Variants in TAS2R1 observed in about 807,000 individuals in gnomAD.
TAS2R1 encodes taste 2 receptor member 1.
For synonymous variants in TAS2R1, 141 were observed against 134.2 expected (o/e 1.05, Z -0.35); for missense variants, 370 against 353.4 (o/e 1.05, Z -0.38).
chr5:9,723,326 G>A, the TAS2R1 span, among the ~76,000 whole-genome samples: 9 of 152,146 alleles, frequency 5.9e-5, no homozygotes, highest in South Asian at 8.3e-4. Flanking sequence ...GTCTTTTCCC[G>A]AGGGGAGAGT....
chr5:9,773,004 C>T, the TAS2R1 span, among the ~76,000 whole-genome samples: 4 of 151,914 alleles, frequency 2.6e-5, no homozygotes, highest in Non-Finnish European at 2.9e-5. Context: ...TCACCATGTA[C>T]CAATGTTATT....
At chr5:9,819,927 T>C in the TAS2R1 span, among the ~76,000 whole-genome samples, 1 of 152,088 alleles carries the variant, frequency 6.6e-6, no homozygotes, top group Non-Finnish European at 1.5e-5. Flanking sequence ...GACAGAAATG[T>C]ATTTGTTCCC....
chr5:9,793,405 A>G, the TAS2R1 span, among the ~76,000 whole-genome samples: 3 of 152,214 alleles, frequency 2.0e-5, no homozygotes, highest in Non-Finnish European at 2.9e-5. Context: ...CAACTCAGGT[A>G]ACTAAGAAAG....
chr5:9,860,298 T>C, the TAS2R1 span, among the ~76,000 whole-genome samples: 1 of 152,182 alleles, frequency 6.6e-6, no homozygotes, highest in African/African-American at 2.4e-5. Context: ...CGCATCACAA[T>C]ACTGCCCTCC....
the TAS2R1 span, among the ~76,000 whole-genome samples, chr5:9,841,665 T>G: frequency 6.6e-6 from 1 of 152,224 alleles, no homozygotes; most frequent in Non-Finnish European, 1.5e-5. Flanking sequence ...AGCATCCCTT[T>G]CTGTTCTTGC....
At chr5:9,719,657 G>A in the TAS2R1 span, among the ~76,000 whole-genome samples, 6,570 of 151,482 alleles carry the variant, frequency 0.043, 168 homozygotes, top group Non-Finnish European at 0.063. Flanking sequence ...GGCCGGGCGC[G>A]GTGGCTCACG....
the TAS2R1 span, among the ~76,000 whole-genome samples, chr5:9,817,668 G>C: frequency 6.6e-6 from 1 of 152,164 alleles, no homozygotes; most frequent in Non-Finnish European, 1.5e-5. Flanking sequence ...AGGAGCATCA[G>C]ATTTGGGACA....
At chr5:9,669,465 C>G (rs115795336) in intron 1 of TAS2R1, among the ~76,000 whole-genome samples, 1,698 of 152,220 alleles carry the variant, frequency 0.011, 11 homozygotes, top group Non-Finnish European at 0.018. Flanking sequence ...ATATAGTCTT[C>G]TCATCTGCAC....
the TAS2R1 span, among the ~76,000 whole-genome samples, chr5:9,868,608 T>C: frequency 7.2e-5 from 11 of 152,226 alleles, no homozygotes; most frequent in East Asian, 1.9e-4. Context: ...GTCTCTGACA[T>C]GCTTTGGAGA....
the TAS2R1 span, among the ~76,000 whole-genome samples, chr5:9,789,328 T>C: frequency 6.6e-6 from 1 of 152,240 alleles, no homozygotes; most frequent in South Asian, 2.1e-4. Context: ...TTAATCTTTA[T>C]TTGAAGGATA....
chr5:9,719,439 C>T, the TAS2R1 span, among the ~76,000 whole-genome samples: 1 of 152,190 alleles, frequency 6.6e-6, no homozygotes, highest in African/African-American at 2.4e-5. Context: ...CTTCACTCTC[C>T]CCACTTCCTC....
the TAS2R1 span, among the ~76,000 whole-genome samples, chr5:9,847,291 T>C: frequency 1.4e-4 from 21 of 152,234 alleles, no homozygotes; most frequent in African/African-American, 1.9e-4. Context: ...TTACATAACA[T>C]GGTAAAGGGG....
At chr5:9,639,476 T>C (rs1163531726) in intron 2 of TAS2R1, among the ~76,000 whole-genome samples, 14 of 152,170 alleles carry the variant, frequency 9.2e-5, no homozygotes, top group Admixed American at 9.2e-4. Context: ...TTGCCTGTTT[T>C]GTGGAATTTG....
the TAS2R1 span, among the ~76,000 whole-genome samples, chr5:9,754,997 A>C: frequency 6.6e-6 from 1 of 152,198 alleles, no homozygotes; most frequent in Admixed American, 6.5e-5. Context: ...AATCTTGTCT[A>C]ACATAGATAG....
intron 1 of TAS2R1, among the ~76,000 whole-genome samples, chr5:9,660,544 C>T (rs566676692): frequency 2.6e-5 from 4 of 152,242 alleles, no homozygotes; most frequent in South Asian, 2.1e-4. Context: ...ATGGCCGCAA[C>T]GTCCTTAAAA....
intron 2 of TAS2R1, among the ~76,000 whole-genome samples, chr5:9,656,602 C>G (rs1443676229): frequency 6.6e-6 from 1 of 152,180 alleles, no homozygotes; most frequent in Non-Finnish European, 1.5e-5. Context: ...GAGGCCCAGC[C>G]ACGTTGGAGA....
the TAS2R1 span, among the ~76,000 whole-genome samples, chr5:9,896,846 T>C: frequency 6.6e-6 from 1 of 152,166 alleles, no homozygotes; most frequent in African/African-American, 2.4e-5. Context: ...ACTTGCTAAA[T>C]GCACCCACTG....
the TAS2R1 span, among the ~76,000 whole-genome samples, chr5:9,878,512 C>T: frequency 6.6e-6 from 1 of 152,226 alleles, no homozygotes; most frequent in African/African-American, 2.4e-5. Context: ...ACGCTTGTAT[C>T]TAAGCAGCAG....
chr5:9,835,628 C>T, the TAS2R1 span, among the ~76,000 whole-genome samples: 6 of 152,286 alleles, frequency 3.9e-5, no homozygotes, highest in African/African-American at 1.2e-4. Flanking sequence ...CCAGGGAGCC[C>T]GCATGAAAGA....
Sources: gnomAD v4.1 joint callset for allele counts (sites outside exome capture counted in the v4.1 genomes callset) on GRCh38, gnomAD v4.1.1 for gene constraint, MANE v1.5 for transcripts, NCBI Gene and HGNC (gene_info 2026-07-23, HGNC 2026-07-21) for gene names.